Variants in CC2D2A observed in about 807,000 individuals in gnomAD.
The protein encoded by CC2D2A is coiled-coil and C2 domain-containing protein 2A.
Under a neutral mutation model 212.9 loss-of-function variants are expected in CC2D2A, and 155 were observed. The observed-to-expected ratio is 0.73, with a 90% confidence interval of 0.64 to 0.83. The LOEUF (loss-of-function observed/expected upper bound fraction) is 0.83, where lower values mean the gene tolerates loss of function less well. Among genes scored for constraint, CC2D2A ranks in the 40% least tolerant of loss-of-function variants. The pLI, the probability that CC2D2A is intolerant of heterozygous loss-of-function variation, is 0.00. For synonymous variants in CC2D2A, 667 were observed against 686.5 expected (o/e 0.97, Z 0.44); for missense variants, 1,856 against 1,956.2 (o/e 0.95, Z 0.97).
intron 32 of CC2D2A, 37 bp from the exon 33 acceptor site, chr4:15,589,506 AAT>A: frequency 6.3e-7 from 1 of 1,592,648 alleles, no homozygotes; most frequent in Non-Finnish European, 8.6e-7. Context: ...TCACTGCATA[AAT>A]AGTTGAAAAC....
At chr4:15,474,311 T>C (rs1714026537) in intron 1 of CC2D2A, among the ~76,000 whole-genome samples, 1 of 152,206 alleles carries the variant, frequency 6.6e-6, no homozygotes, top group South Asian at 2.1e-4. Context: ...CATGCCTGGC[T>C]TATTTCACCC....
At chr4:15,528,777 C>A (rs1043544570) in intron 13 of CC2D2A, 51 bp downstream of exon 13, 3 of 1,272,714 alleles carry the variant, frequency 2.4e-6, no homozygotes, top group Non-Finnish European at 3.3e-6. Flanking sequence ...TAGATGTGCA[C>A]TTGTTAGAGT....
At position 15,502,429 on chromosome 4, in the gene CC2D2A, G is replaced by A. The variant is rs930307925; in HGVS notation, c.248G>A (p.Ser83Asn). The change falls in exon 5 of 37, where the codon AGC (serine) becomes AAC (asparagine). Residue 83 changes from serine (S) to asparagine (N), a missense_variant and splice_region_variant. Coordinates refer to ENST00000424120, the MANE Select transcript of CC2D2A (RefSeq NM_001378615.1). ...TTTTGTTTTTGTTTTTGTTTTTTAGGCTTACCTCCAATTCCTTCAACTTCC... is the reference window on the plus strand; with the variant it reads ...TTTTGTTTTTGTTTTTGTTTTTTAGACTTACCTCCAATTCCTTCAACTTCC... ...LSMTVRRGPR[S>N]LPPIPSTSRT... is the part of the protein sequence containing the mutation. The A allele has an allele frequency of 1.8e-5, 28 of 1,587,086 alleles. No individual in the cohort carries two copies. Among genetic ancestry groups the A allele is most frequent in the African/African-American group, 9.7e-5 (7 of 72,120 alleles).
intron 11 of CC2D2A, among the ~76,000 whole-genome samples, chr4:15,520,878 C>T (rs1717162655): frequency 6.6e-6 from 1 of 152,140 alleles, no homozygotes; most frequent in Non-Finnish European, 1.5e-5. Flanking sequence ...GACTAAGGAA[C>T]TTGGGCTCCA....
chr4:15,496,421 A>G (rs1430806156), intron 4 of CC2D2A, among the ~76,000 whole-genome samples: 1 of 152,102 alleles, frequency 6.6e-6, no homozygotes, highest in African/African-American at 2.4e-5. Context: ...TGGTGAAAGG[A>G]AAGAGTCTTC....
intron 19 of CC2D2A, among the ~76,000 whole-genome samples, chr4:15,554,631 G>A (rs1452471254): frequency 1.3e-5 from 2 of 152,210 alleles, no homozygotes; most frequent in African/African-American, 2.4e-5. Context: ...AGCTGAAATC[G>A]CACCACTGCG....
chr4:15,560,663 A>G, intron 23 of CC2D2A, 41 bp downstream of exon 23: 1 of 832,802 alleles, frequency 1.2e-6, no homozygotes, highest in Non-Finnish European at 1.9e-6. Flanking sequence ...TCTTATAAAA[A>G]TTATTATTTA....
Position 15,536,954 on chromosome 4 carries a change from T to C in CC2D2A, c.1642T>C (p.Tyr548His). The stretch of plus-strand genomic sequence containing the variant: ...TGACCAGAAAGCAGATGAAGAAGCA[T>C]ATGAAGCAGAAATTCAAGCTGAAAT... ...KADQKADEEA[Y>H]EAEIQAEISE... is the part of the protein sequence containing the mutation. Residue 548 changes from tyrosine to histidine, a missense_variant, in exon 15 of 37, where the codon TAT becomes CAT. Tyr to His is a moderately conservative substitution (Grantham distance 83). Coordinates refer to ENST00000424120, the MANE Select transcript of CC2D2A (RefSeq NM_001378615.1). 4 of 1,613,812 alleles carry C rather than the reference T, an allele frequency of 2.5e-6. No homozygotes were observed. The highest frequency in any genetic ancestry group is 2.5e-6 in the Non-Finnish European group (3 of 1,179,790).
intron 29 of CC2D2A, among the ~76,000 whole-genome samples, chr4:15,579,107 T>C (rs1363171847): frequency 6.6e-6 from 1 of 152,146 alleles, no homozygotes; most frequent in East Asian, 1.9e-4. Context: ...GAAATGACAA[T>C]ATGTGTGTAA....
intron 4 of CC2D2A, chr4:15,482,178 C>CT (rs1714715242): frequency 1.0e-6 from 1 of 985,428 alleles, no homozygotes; most frequent in African/African-American, 1.7e-5. Flanking sequence ...CAAGTAGACT[C>CT]TTAGATTGGA....
chr4:15,540,903 C>G lies in CC2D2A; in HGVS notation c.2070C>G (p.Asn690Lys). Residue 690 changes from asparagine to lysine, a missense_variant, in exon 17 of 37, where the codon AAC becomes AAG. By Grantham distance (94) the Asn-to-Lys change is moderately conservative (BLOSUM62 0). Coordinates refer to ENST00000424120, the MANE Select transcript of CC2D2A (RefSeq NM_001378615.1). ...RSVYLKVLFN[N>K]KEVSRTVSRP... ...TGTACTTAAAAGTGCTGTTCAACAA[C>G]AAGGAGGTGTCCAGGACAGTCAGTC... 6.3e-7 allele frequency: 1 copy of G among 1,590,086 alleles called. No individual in the cohort carries two copies. Among genetic ancestry groups the G allele is most frequent in the South Asian group, 1.2e-5 (1 of 86,736 alleles).
chr4:15,557,656 T>G, intron 21 of CC2D2A, 149 bp downstream of exon 21: 2 of 529,236 alleles, frequency 3.8e-6, no homozygotes, highest in Non-Finnish European at 3.3e-6. Context: ...AACCTTTCCA[T>G]GCTTTTTCTT....
intron 14 of CC2D2A, among the ~76,000 whole-genome samples, chr4:15,535,275 C>T (rs372143489): frequency 1.2e-4 from 18 of 152,050 alleles, no homozygotes; most frequent in African/African-American, 4.3e-4. Flanking sequence ...TATTTTCTCT[C>T]TCCCTCCCTC....
At chr4:15,525,450 G>C (rs1717455145) in intron 11 of CC2D2A, among the ~76,000 whole-genome samples, 2 of 152,170 alleles carry the variant, frequency 1.3e-5, no homozygotes, top group African/African-American at 4.8e-5. Flanking sequence ...AAAACACAGA[G>C]TGGTCACATG....
At chr4:15,479,628 G>A (rs1714493729) in intron 3 of CC2D2A, among the ~76,000 whole-genome samples, 1 of 152,162 alleles carries the variant, frequency 6.6e-6, no homozygotes, top group South Asian at 2.1e-4. Context: ...GGTGGTTGGG[G>A]AGGTACTGCC....
intron 6 of CC2D2A, among the ~76,000 whole-genome samples, chr4:15,509,764 G>T (rs10007081): frequency 0.72 from 108,838 of 152,100 alleles, 39,031 homozygotes; most frequent in East Asian, 0.8. Flanking sequence ...ATTGTGTGAA[G>T]GTACCTACAC....
chr4:15,599,625 G>A lies in CC2D2A; in HGVS notation c.4593G>A (p.Leu1531=), dbSNP rs1437658994. The change falls in exon 36 of 37, where the codon TTG becomes TTA. Residue 1531 remains leucine (L), a synonymous_variant. Coordinates refer to ENST00000424120, the MANE Select transcript of CC2D2A (RefSeq NM_001378615.1). ...RYCTSTLRHF[L]PLLEKSQGED... is the part of the protein sequence containing the mutation. ...GTACCTCTACTCTGCGTCACTTCTT[G>A]CCTCTGTTAGAAAAAAGTCAAGGAG... 2 of 1,613,506 alleles carry A rather than the reference G, an allele frequency of 1.2e-6. No individual in the cohort carries two copies. The highest frequency in any genetic ancestry group is 2.2e-5 in the South Asian group (2 of 91,056).
At chr4:15,484,707 GGT>G (rs1325852072) in intron 4 of CC2D2A, among the ~76,000 whole-genome samples, 2 of 152,194 alleles carry the variant, frequency 1.3e-5, no homozygotes, top group African/African-American at 4.8e-5. Flanking sequence ...GTCAAAAATG[GGT>G]AACTCCACTT....
At chr4:15,578,413 T>C (rs1284486903) in intron 29 of CC2D2A, among the ~76,000 whole-genome samples, 1 of 152,216 alleles carries the variant, frequency 6.6e-6, no homozygotes, top group Non-Finnish European at 1.5e-5. Flanking sequence ...CTAGATTCTA[T>C]TTGAGGTCAT....
Sources: allele counts gnomAD v4.1 joint callset (sites outside exome capture counted in the v4.1 genomes callset), GRCh38; gene constraint gnomAD v4.1.1; transcripts MANE v1.5; gene names NCBI Gene and HGNC (gene_info 2026-07-23, HGNC 2026-07-21).